CFAP70: variants seen among roughly 807,000 people sequenced by gnomAD.
The protein encoded by CFAP70 is cilia- and flagella-associated protein 70.
CFAP70 carries 81 observed loss-of-function variants against 137.6 expected under a neutral mutation model. That is an observed-to-expected ratio of 0.59 (90% confidence interval 0.49 to 0.71). CFAP70 has a LOEUF of 0.71. Among genes scored for constraint, CFAP70 ranks in the 30% least tolerant of loss-of-function variants. The probability of loss-of-function intolerance (pLI) is 0.00; values close to 1 mark genes in which losing one functional copy is unlikely to be tolerated. For synonymous variants in CFAP70, 382 were observed against 423.6 expected, an observed-to-expected ratio of 0.90 and a Z score of 1.20; for missense variants, 976 against 1,226.7, an observed-to-expected ratio of 0.80 and a Z score of 3.05.
intron 9 of CFAP70, among the ~76,000 whole-genome samples, chr10:73,321,815 G>A (rs1238762570): frequency 6.6e-6 from 1 of 151,138 alleles, no homozygotes; most frequent in Admixed American, 6.6e-5. Context: ...ACAGAGTCTT[G>A]CTCTGTTGCC....
chr10:73,352,707 T>G (rs1267624192), intron 3 of CFAP70, among the ~76,000 whole-genome samples: 1 of 152,162 alleles, frequency 6.6e-6, no homozygotes, highest in Non-Finnish European at 1.5e-5. Context: ...AGTACATCTA[T>G]TCCATCTTCT....
At chr10:73,267,144 C>T (rs1488867793) in intron 25 of CFAP70, among the ~76,000 whole-genome samples, 1 of 152,106 alleles carries the variant, frequency 6.6e-6, no homozygotes, top group Non-Finnish European at 1.5e-5. Flanking sequence ...TGGCTTAAAA[C>T]ATAATATGTT....
chr10:73,288,124 T>G (rs752581408), intron 19 of CFAP70, among the ~76,000 whole-genome samples: 18 of 152,068 alleles, frequency 1.2e-4, no homozygotes, highest in Non-Finnish European at 2.5e-4. Context: ...CTGGAACCCC[T>G]GACCTCAGGT....
At chr10:73,311,911 C>A (rs199701402) in exon 11 of CFAP70, 34 of 1,613,042 alleles carry the variant, frequency 2.1e-5, no homozygotes, top group Non-Finnish European at 2.5e-6. Flanking sequence ...ATACTAGGTG[C>A]CTGCTGAAAG....
chr10:73,330,925 A>G (rs1315176401), intron 8 of CFAP70, among the ~76,000 whole-genome samples: 1 of 152,194 alleles, frequency 6.6e-6, no homozygotes, highest in South Asian at 2.1e-4. Context: ...TAAAGCCTAG[A>G]GAGTCTTTAG....
chr10:73,311,375 T>G (rs1300063324), intron 11 of CFAP70, among the ~76,000 whole-genome samples: 1 of 152,210 alleles, frequency 6.6e-6, no homozygotes, highest in Non-Finnish European at 1.5e-5. Flanking sequence ...ACCTCCTCCA[T>G]GAAGCCTTCC....
At chr10:73,288,933 A>C (rs2047949179) in intron 19 of CFAP70, among the ~76,000 whole-genome samples, 2 of 152,236 alleles carry the variant, frequency 1.3e-5, no homozygotes, top group Admixed American at 1.3e-4. Flanking sequence ...AAGCAAGTTT[A>C]CCTGCAAAGC....
At chr10:73,313,303 C>A (rs1244071150) in intron 9 of CFAP70, among the ~76,000 whole-genome samples, 1 of 142,824 alleles carries the variant, frequency 7.0e-6, no homozygotes, top group African/African-American at 2.7e-5. Context: ...ACCTGGGAGG[C>A]GGAGCTTGCA....
intron 12 of CFAP70, among the ~76,000 whole-genome samples, chr10:73,306,569 A>C (rs1429871065): frequency 3.9e-5 from 6 of 152,168 alleles, no homozygotes; most frequent in African/African-American, 1.4e-4. Flanking sequence ...AAGAAAAAAA[A>C]ATTGACAACT....
At chr10:73,334,543 T>G (rs2052442792) in intron 7 of CFAP70, among the ~76,000 whole-genome samples, 1 of 151,484 alleles carries the variant, frequency 6.6e-6, no homozygotes. Context: ...CCTGGATACC[T>G]AATAACACTG....
At chr10:73,312,500 T>C (rs981581878) in exon 10 of CFAP70, 5 of 1,611,262 alleles carry the variant, frequency 3.1e-6, no homozygotes, top group Non-Finnish European at 4.2e-6. Context: ...GCCTTCCATC[T>C]ATATCCTTTT....
intron 23 of CFAP70, among the ~76,000 whole-genome samples, chr10:73,273,751 G>C (rs2046484858): frequency 6.6e-6 from 1 of 152,218 alleles, no homozygotes; most frequent in African/African-American, 2.4e-5. Context: ...TCTTGTTGCT[G>C]TTGCTGTTTT....
intron 6 of CFAP70, among the ~76,000 whole-genome samples, chr10:73,340,823 C>A (rs1472289593): frequency 6.6e-6 from 1 of 152,240 alleles, no homozygotes; most frequent in Non-Finnish European, 1.5e-5. Context: ...AGAGGCCAGG[C>A]AGCAGGAGCA....
chr10:73,323,679 G>A lies in CFAP70; in HGVS notation c.778-582C>T, dbSNP rs532774732. On this transcript the variant is annotated intron_variant, in intron 8 of 26. Coordinates refer to ENST00000310715, the Ensembl canonical transcript of CFAP70. ...ATGGCACACCAAGAGATTATATCCC[G>A]CACCTGGCTTGGAGGGTCCTATGCC... Among the ~76,000 whole-genome samples the A allele has an allele frequency of 1.8e-4, 28 of 152,340 alleles. No homozygotes were observed. In the South Asian group the frequency reaches 5.0e-3, roughly 27 times the overall value.
At chr10:73,334,594 T>A (rs1016238570) in intron 7 of CFAP70, among the ~76,000 whole-genome samples, 5 of 151,884 alleles carry the variant, frequency 3.3e-5, no homozygotes, top group African/African-American at 7.3e-5. Context: ...CTTTTTTTTT[T>A]TTTTGAGATG....
At chr10:73,308,298 T>C (rs1320156514) in intron 12 of CFAP70, among the ~76,000 whole-genome samples, 1 of 152,126 alleles carries the variant, frequency 6.6e-6, no homozygotes, top group Non-Finnish European at 1.5e-5. Context: ...GTATACCGTA[T>C]GTCAGGCCAC....
At chr10:73,353,841 A>G in intron 2 of CFAP70, 99 bp from the exon 3 acceptor site, 1 of 1,107,230 alleles carries the variant, frequency 9.0e-7, no homozygotes. Context: ...AGCATTTTTC[A>G]TTTTTTCCTA....
At chr10:73,268,993 C>T (rs2046015717) in intron 25 of CFAP70, among the ~76,000 whole-genome samples, 1 of 152,056 alleles carries the variant, frequency 6.6e-6, no homozygotes, top group Non-Finnish European at 1.5e-5. Context: ...AGCCAGACCT[C>T]AGGTATTTTT....
chr10:73,282,403 A>G (rs570929987), intron 19 of CFAP70, among the ~76,000 whole-genome samples: 2 of 152,322 alleles, frequency 1.3e-5, no homozygotes, highest in South Asian at 4.1e-4. Flanking sequence ...CCAATATCAT[A>G]GTCCCAGGCG....
Sources: gnomAD v4.1 joint callset for allele counts (sites outside exome capture counted in the v4.1 genomes callset) on GRCh38, gnomAD v4.1.1 for gene constraint, MANE v1.5 for transcripts, NCBI Gene and HGNC (gene_info 2026-07-23, HGNC 2026-07-21) for gene names.